SUMF1: variants seen among roughly 807,000 people sequenced by gnomAD.
SUMF1 encodes formylglycine-generating enzyme.
Under a neutral mutation model 47.6 loss-of-function variants are expected in SUMF1, and 48 were observed. The observed-to-expected ratio is 1.01, with a 90% CI of 0.80 to 1.28. The LOEUF (loss-of-function observed/expected upper bound fraction) is 1.28, where lower values mean the gene tolerates loss of function less well. Among genes scored for constraint, SUMF1 ranks in the 50% most tolerant of loss-of-function variants. The pLI is 0.00. For synonymous variants in SUMF1, 230 were observed against 192.1 expected (o/e 1.20, Z -1.63); for missense variants, 571 against 485.4 (o/e 1.18, Z -1.66).
At chr3:4,144,963 G>T (rs889645496) in intron 8 of SUMF1, among the ~76,000 whole-genome samples, 5 of 152,046 alleles carry the variant, frequency 3.3e-5, no homozygotes, top group African/African-American at 9.7e-5. Context: ...ACTTTGGGAG[G>T]CCAAGGCAGG....
intron 8 of SUMF1, among the ~76,000 whole-genome samples, chr3:4,133,133 T>C (rs1693831562): frequency 6.7e-6 from 1 of 149,932 alleles, no homozygotes; most frequent in African/African-American, 2.4e-5. Context: ...TCCTTCTTCT[T>C]TTGTTAAAAA....
At chr3:4,172,712 G>T (rs959700882) in intron 8 of SUMF1, among the ~76,000 whole-genome samples, 2 of 151,820 alleles carry the variant, frequency 1.3e-5, no homozygotes, top group Non-Finnish European at 2.9e-5. Flanking sequence ...GTTTTTTGGG[G>T]TTTTTTCTTG....
At chr3:4,238,774 T>G (rs2124993245) in intron 8 of SUMF1, among the ~76,000 whole-genome samples, 1 of 152,338 alleles carries the variant, frequency 6.6e-6, no homozygotes, top group African/African-American at 2.4e-5. Context: ...AGCTCTTTAG[T>G]TTAATAAGAT....
At chr3:4,267,562 G>A (rs978804630) in intron 8 of SUMF1, among the ~76,000 whole-genome samples, 18 of 152,150 alleles carry the variant, frequency 1.2e-4, no homozygotes, top group East Asian at 9.7e-4. Context: ...CTGTGGGATC[G>A]GTGGTGGGCG....
chr3:4,139,555 CTTAT>C (rs1350321968), intron 8 of SUMF1, among the ~76,000 whole-genome samples: 2 of 150,124 alleles, frequency 1.3e-5, no homozygotes, highest in Non-Finnish European at 3.0e-5. Context: ...GTATAATAAA[CTTAT>C]ATATATGCAT....
intron 3 of SUMF1, among the ~76,000 whole-genome samples, chr3:4,432,992 T>G (rs1559296720): frequency 6.6e-6 from 1 of 152,220 alleles, no homozygotes; most frequent in East Asian, 1.9e-4. Flanking sequence ...GGATATCCTT[T>G]TGTGCCACTT....
rs1208805186 is a variant in SUMF1 at position 4,051,804 on chromosome 3, C to T, written c.1191+16765G>A. On this transcript the variant is annotated intron_variant and NMD_transcript_variant, in intron 9 of 12. Coordinates refer to the SUMF1 transcript ENST00000448413. ...TAAGAATGTAGACTGGTTTGCACAT[C>T]GGAAAAGACCTGGCTGTCTGATCAG... Among the ~76,000 whole-genome samples the T allele has an allele frequency of 2.6e-5, 4 of 152,248 alleles. No individual in the cohort carries two copies. In the South Asian group the frequency reaches 6.2e-4, roughly 24 times the overall value.
intron 8 of SUMF1, among the ~76,000 whole-genome samples, chr3:4,107,793 AAAAT>A (rs1693192755): frequency 6.6e-6 from 1 of 152,138 alleles, no homozygotes. Context: ...ACTCCAGCCT[AAAAT>A]AAATAAATGA....
intron 8 of SUMF1, among the ~76,000 whole-genome samples, chr3:4,367,492 G>C (rs1221974613): frequency 6.6e-6 from 1 of 151,754 alleles, no homozygotes; most frequent in Non-Finnish European, 1.5e-5. Context: ...CTACTTTAAA[G>C]TTCATATGGA....
rs555033032 is a variant in SUMF1, at chr3:4,305,112, G to A, written c.1014+71218C>T. Among the ~76,000 whole-genome samples, 8 of 152,016 alleles carry A rather than the reference G, an allele frequency of 5.3e-5. 1 individual carries two copies. Among genetic ancestry groups the A allele is most frequent in the African/African-American group, 1.9e-4 (8 of 41,498 alleles). ...AGATAAAGGGTTTTTTTTTGAGACG[G>A]AGCTTGACTCCATCACCCAGGCTAG... On this transcript the variant is annotated intron_variant and NMD_transcript_variant, in intron 8 of 12. Coordinates refer to the SUMF1 transcript ENST00000448413.
chr3:4,450,549 A>G (rs183140357), intron 2 of SUMF1, among the ~76,000 whole-genome samples: 44 of 152,270 alleles, frequency 2.9e-4, no homozygotes, highest in African/African-American at 9.6e-4. Context: ...AACACCTACC[A>G]TGTGCTCAGT....
At chr3:4,176,714 A>G (rs1694973108) in intron 8 of SUMF1, among the ~76,000 whole-genome samples, 1 of 152,198 alleles carries the variant, frequency 6.6e-6, no homozygotes, top group South Asian at 2.1e-4. Context: ...TAAATGGGCT[A>G]AATGCCCCCA....
At chr3:4,386,944 G>A (rs1038079705) in intron 7 of SUMF1, among the ~76,000 whole-genome samples, 2 of 150,930 alleles carry the variant, frequency 1.3e-5, no homozygotes, top group Admixed American at 1.3e-4. Flanking sequence ...CTGCACTCCT[G>A]GAATAAACCT....
intron 7 of SUMF1, among the ~76,000 whole-genome samples, chr3:4,407,005 CTGGCCATTTACTAGGTTG>C (rs1701396622): frequency 6.6e-6 from 1 of 152,306 alleles, no homozygotes; most frequent in South Asian, 2.1e-4. Context: ...CATCACAGCA[CTGGCCATTTACTAGGTTG>C]TATCTGTGAG....
intron 8 of SUMF1, among the ~76,000 whole-genome samples, chr3:4,103,488 GA>G (rs1294441809): frequency 2.6e-5 from 4 of 152,012 alleles, no homozygotes; most frequent in African/African-American, 9.7e-5. Flanking sequence ...AGAAAGTGGT[GA>G]AACGGATAAG....
intron 9 of SUMF1, among the ~76,000 whole-genome samples, chr3:4,038,449 G>A (rs1287817012): frequency 1.3e-5 from 2 of 152,144 alleles, no homozygotes; most frequent in African/African-American, 4.8e-5. Context: ...AGCAGGGATA[G>A]TACCACTACA....
chr3:4,335,899 G>A (rs751217633), intron 8 of SUMF1, among the ~76,000 whole-genome samples: 6 of 131,356 alleles, frequency 4.6e-5, no homozygotes, highest in Admixed American at 9.8e-5. Flanking sequence ...GGCAGAGGTT[G>A]CAATGAACTG....
At chr3:4,312,523 A>G (rs1698446835) in intron 8 of SUMF1, among the ~76,000 whole-genome samples, 1 of 152,062 alleles carries the variant, frequency 6.6e-6, no homozygotes, top group African/African-American at 2.4e-5. Context: ...TCATCCTTAT[A>G]CATACCTAAA....
rs1250857133 is a variant in SUMF1 at position 4,257,509 on chromosome 3, A to C, written c.1014+118821T>G. Among the ~76,000 whole-genome samples, 744 of 145,872 alleles carry C rather than the reference A, an allele frequency of 5.1e-3. 3 individuals carry two copies. The highest frequency in any genetic ancestry group is 0.016 in the African/African-American group (615 of 39,094). The stretch of plus-strand genomic sequence containing the variant: ...CAAATCATGAGTGAACTCCCATTCA[A>C]AATTGCTTCAAAGAGAATAAAATAC... On this transcript the variant is annotated intron_variant and NMD_transcript_variant, in intron 8 of 12. Coordinates refer to the SUMF1 transcript ENST00000448413.
Sources: allele counts gnomAD v4.1 joint callset (sites outside exome capture counted in the v4.1 genomes callset), GRCh38; gene constraint gnomAD v4.1.1; transcripts MANE v1.5; gene names NCBI Gene and HGNC (gene_info 2026-07-23, HGNC 2026-07-21).